Variants in RBFOX3 observed in about 807,000 individuals in gnomAD.
RBFOX3 encodes the protein RNA binding fox-1 homolog 3.
Under a neutral mutation model 48.7 loss-of-function variants are expected in RBFOX3, and 17 were observed. The ratio of observed to expected loss-of-function variants is 0.35; its 90% CI spans 0.24 to 0.52. RBFOX3 has a LOEUF of 0.52. RBFOX3 is among the 20% of genes least tolerant of loss of function. The pLI is 0.94. For missense variants in RBFOX3, 382 were observed against 497.5 expected, an observed-to-expected ratio of 0.77 and a Z score of 2.21; for synonymous variants, 212 against 209.5, an observed-to-expected ratio of 1.01 and a Z score of -0.10.
intron 4 of RBFOX3, among the ~76,000 whole-genome samples, chr17:79,176,445 T>C (rs1191937956): frequency 1.3e-5 from 2 of 152,216 alleles, no homozygotes; most frequent in Non-Finnish European, 2.9e-5. Context: ...CCAGCCTTCC[T>C]GCCCAGGCCC....
At chr17:79,534,322 A>G (rs1555788171) in intron 1 of RBFOX3, among the ~76,000 whole-genome samples, 2 of 152,192 alleles carry the variant, frequency 1.3e-5, no homozygotes, top group Non-Finnish European at 2.9e-5. Context: ...GAAGTTGTCT[A>G]GATATTTCTG....
chr17:79,194,914 T>TTTGTTTGTTTGA (rs979721493), intron 4 of RBFOX3, among the ~76,000 whole-genome samples: 1 of 222 alleles, frequency 4.5e-3, no homozygotes, highest in African/African-American at 0.012. Context: ...TGCCCCCAGT[T>TTTGTTTGTTTGA]TTGTTTGTTT....
intron 2 of RBFOX3, among the ~76,000 whole-genome samples, chr17:79,331,252 A>T (rs1303104174): frequency 6.6e-6 from 1 of 152,006 alleles, no homozygotes; most frequent in African/African-American, 2.4e-5. Context: ...GCCCAGAAGC[A>T]TTTCCCCTGC....
intron 4 of RBFOX3, among the ~76,000 whole-genome samples, chr17:79,181,423 G>T (rs541236618): frequency 6.6e-6 from 1 of 152,190 alleles, no homozygotes; most frequent in African/African-American, 2.4e-5. Flanking sequence ...ACCTGACCTC[G>T]GAGGCCTATC....
chr17:79,419,131 C>G (rs1011828696), intron 2 of RBFOX3, among the ~76,000 whole-genome samples: 2 of 152,184 alleles, frequency 1.3e-5, no homozygotes, highest in South Asian at 2.1e-4. Context: ...CCCCACGCCC[C>G]CTCCTCACCT....
chr17:79,158,489 G>A (rs7215120), intron 4 of RBFOX3, among the ~76,000 whole-genome samples: 65 of 152,256 alleles, frequency 4.3e-4, no homozygotes, highest in African/African-American at 1.5e-3. Context: ...ACTTCCCCAC[G>A]ACTCAGAGGC....
rs1004415905 is a variant in RBFOX3, at chr17:79,577,477, G to A, written c.-320+33349C>T. Among the ~76,000 whole-genome samples, 129 of 152,328 alleles carry A rather than the reference G, an allele frequency of 8.5e-4. 4 individuals are homozygous for A. In the South Asian group the frequency reaches 0.019, roughly 22 times the overall value. On this transcript the variant is annotated intron_variant, in intron 1 of 14. Transcript: ENST00000693108. ...GTCAAAAATGTCTCTAAGCTTGATT[G>A]TTTAAACACTTATCATCAAACTTGA...
At chr17:79,604,836 C>G (rs1313704773) in intron 1 of RBFOX3, among the ~76,000 whole-genome samples, 4 of 152,208 alleles carry the variant, frequency 2.6e-5, no homozygotes, top group Non-Finnish European at 2.9e-5. Context: ...CTGAGGATAG[C>G]CTGCTCCTCC....
intron 1 of RBFOX3, among the ~76,000 whole-genome samples, chr17:79,504,912 G>A (rs1225985220): frequency 6.6e-6 from 1 of 152,192 alleles, no homozygotes; most frequent in African/African-American, 2.4e-5. Flanking sequence ...ATGGTGAGAT[G>A]AGATCGGTTC....
intron 1 of RBFOX3, among the ~76,000 whole-genome samples, chr17:79,572,903 T>C (rs952604576): frequency 0.049 from 6,765 of 138,106 alleles, 194 homozygotes; most frequent in Admixed American, 0.099. Flanking sequence ...GCTTGCCAAA[T>C]TTGGCAGATA....
Position 79,414,663 on chromosome 17 carries a change from G to A in RBFOX3, c.-175+67791C>T, listed in dbSNP as rs9901169. ...CAGTAAAGACAGGTCTGGGAGGTCC[G>A]GCCTGGCAGAGCTAAGGAACTGCTG... is the stretch of plus-strand genomic sequence containing the variant. On this transcript the variant is annotated intron_variant, in intron 2 of 14. Coordinates refer to ENST00000693108, the MANE Select transcript of RBFOX3 (RefSeq NM_001350451.2). Among the ~76,000 whole-genome samples the A allele has an allele frequency of 6.4e-3, 973 of 152,318 alleles. 8 individuals are homozygous for A. Among genetic ancestry groups the A allele is most frequent in the African/African-American group, 0.022 (903 of 41,558 alleles).
intron 2 of RBFOX3, among the ~76,000 whole-genome samples, chr17:79,436,287 C>T (rs1163135603): frequency 6.6e-6 from 1 of 152,248 alleles, no homozygotes; most frequent in African/African-American, 2.4e-5. Context: ...TGCTGGGTAA[C>T]AGACCAGGGC....
At chr17:79,499,583 C>T (rs2082112575) in intron 1 of RBFOX3, among the ~76,000 whole-genome samples, 1 of 152,230 alleles carries the variant, frequency 6.6e-6, no homozygotes, top group African/African-American at 2.4e-5. Context: ...GAGGTACCTA[C>T]AAGTCTGGGC....
At chr17:79,151,074 C>G (rs532408892) in intron 4 of RBFOX3, among the ~76,000 whole-genome samples, 1 of 152,302 alleles carries the variant, frequency 6.6e-6, no homozygotes, top group East Asian at 1.9e-4. Flanking sequence ...CTCCACCATG[C>G]TGGGCCCTGG....
At chr17:79,461,917 G>T (rs1397042576) in intron 2 of RBFOX3, among the ~76,000 whole-genome samples, 1 of 152,250 alleles carries the variant, frequency 6.6e-6, no homozygotes, top group African/African-American at 2.4e-5. Flanking sequence ...GGCAAGGGAA[G>T]TTCTTCCTCA....
At chr17:79,580,153 G>A (rs897876440) in intron 1 of RBFOX3, among the ~76,000 whole-genome samples, 46 of 151,588 alleles carry the variant, frequency 3.0e-4, no homozygotes, top group African/African-American at 9.2e-4. Flanking sequence ...TCTGTGCTCC[G>A]TCCTCCCACC....
intron 4 of RBFOX3, among the ~76,000 whole-genome samples, chr17:79,131,843 C>T (rs565206399): frequency 1.6e-4 from 24 of 152,298 alleles, no homozygotes; most frequent in African/African-American, 5.8e-4. Flanking sequence ...AGCCCAACCC[C>T]AGCCCCAGAC....
intron 2 of RBFOX3, among the ~76,000 whole-genome samples, chr17:79,355,068 G>T (rs980342060): frequency 1.3e-5 from 2 of 152,150 alleles, no homozygotes; most frequent in African/African-American, 4.8e-5. Flanking sequence ...GCCCCACACG[G>T]GATCATTCTG....
At chr17:79,385,658 C>G (rs144122410) in intron 2 of RBFOX3, among the ~76,000 whole-genome samples, 9 of 152,326 alleles carry the variant, frequency 5.9e-5, no homozygotes, top group African/African-American at 2.2e-4. Flanking sequence ...CTATCACCCC[C>G]GTTACAGACA....
Sources: gnomAD v4.1 joint callset for allele counts (sites outside exome capture counted in the v4.1 genomes callset) on GRCh38, gnomAD v4.1.1 for gene constraint, MANE v1.5 for transcripts, NCBI Gene and HGNC (gene_info 2026-07-23, HGNC 2026-07-21) for gene names.